Variants in PIEZO2 observed in about 807,000 individuals in gnomAD.
The protein encoded by PIEZO2 is piezo-type mechanosensitive ion channel component 2.
In PIEZO2, 172 loss-of-function variants were observed where a neutral mutation model predicts 337.3. That is an observed-to-expected ratio of 0.51 (90% CI 0.45 to 0.58). The LOEUF is 0.58. Among genes scored for constraint, PIEZO2 ranks in the 20% least tolerant of loss-of-function variants. The probability of loss-of-function intolerance (pLI) is 0.00; values close to 1 mark genes in which losing one functional copy is unlikely to be tolerated. For missense variants in PIEZO2, 3,028 were observed against 3,391.3 expected (o/e 0.89, Z 2.66); for synonymous variants, 1,251 against 1,228.5 (o/e 1.02, Z -0.38).
Position 10,726,922 on chromosome 18 carries a change from C to T in PIEZO2, c.5029+4485G>A, listed in dbSNP as rs1384848461. Reference sequence around the variant, plus strand: ...CCGGCTGGATGTGGCGGAGCTGGGTCGCCTGCTGCCCGACTGATGTAGGTT... The same window carrying T: ...CCGGCTGGATGTGGCGGAGCTGGGTTGCCTGCTGCCCGACTGATGTAGGTT... On this transcript the variant is annotated intron_variant, in intron 36 of 55. Transcript: ENST00000674853. This position sits in a 1 kb window ranked among gnomAD's most constrained non-coding sequence, Gnocchi z 5.9. 22 of 1,557,468 alleles carry T rather than the reference C, an allele frequency of 1.4e-5. No individual in the cohort carries two copies. The highest frequency in any genetic ancestry group is 5.5e-5 in the Admixed American group (3 of 54,480).
At position 10,773,500 on chromosome 18, in the gene PIEZO2, GGC is replaced by G; in HGVS notation, c.2695_2696del (p.Ala899ProfsTer4). On this transcript the variant is annotated frameshift_variant, in exon 20 of 56. Transcript: ENST00000674853. LOFTEE classifies it high-confidence loss of function. This position sits in a 1 kb window ranked among gnomAD's most constrained non-coding sequence, Gnocchi z 5.3. ...EEKLEGYSEK[A>X]QKGDLGKDSE... is the part of the protein sequence containing the mutation. ...TGTCTTTCCCAAGATCACCCTTCTG[GGC>G]TTTTTCAGAGTAGCCCTCAAGCTTC... is the stretch of plus-strand genomic sequence containing the variant. 1 of 1,537,354 alleles carries G rather than the reference GGC, an allele frequency of 6.5e-7. No homozygotes were observed. The highest frequency in any genetic ancestry group is 8.7e-7 in the Non-Finnish European group (1 of 1,146,948).
In PIEZO2 at chr18:10,982,429, A is replaced by G. The variant is rs2034703827; in HGVS notation, c.161-2769T>C. ...ATAAGTGAAGAGATCTGTTACATGCATGAATGAGGTGACTCAATATGATAA... is the reference window on the plus strand; with the variant it reads ...ATAAGTGAAGAGATCTGTTACATGCGTGAATGAGGTGACTCAATATGATAA... On this transcript the variant is annotated intron_variant, in intron 2 of 55. Transcript: ENST00000674853. The surrounding 1 kb of genome is among the most constrained non-coding windows in gnomAD (Gnocchi z 4.1). Among the ~76,000 whole-genome samples the G allele has an allele frequency of 6.6e-6, 1 of 152,200 alleles. No individual in the cohort carries two copies. The highest frequency in any genetic ancestry group is 2.1e-4 in the South Asian group (1 of 4,834).
chr18:10,909,521 G>T (rs1419071919), intron 4 of PIEZO2, among the ~76,000 whole-genome samples: 1 of 20,082 alleles, frequency 5.0e-5, no homozygotes, highest in African/African-American at 1.9e-4. Context: ...TAGGTATGAT[G>T]ATGGCACTAT....
intron 30 of PIEZO2, among the ~76,000 whole-genome samples, chr18:10,745,656 C>T (rs1001668429): frequency 5.3e-5 from 8 of 152,244 alleles, no homozygotes; most frequent in East Asian, 1.9e-4. Flanking sequence ...TCAGGCTGCT[C>T]GGTCTTTTTT....
chr18:11,011,604 A>G (rs2035904926), intron 2 of PIEZO2, among the ~76,000 whole-genome samples: 1 of 152,210 alleles, frequency 6.6e-6, no homozygotes. Flanking sequence ...TTTTAAATAG[A>G]ATATAATGCT....
chr18:11,059,869 A>T (rs560728355), intron 2 of PIEZO2, among the ~76,000 whole-genome samples: 7 of 152,290 alleles, frequency 4.6e-5, no homozygotes, highest in Non-Finnish European at 7.3e-5. Context: ...GTTAACAAGG[A>T]TATCCAGGAA....
rs1195124421 is a variant in PIEZO2 at position 10,899,844 on chromosome 18, AATT to A, written c.329+11339_329+11341del. On this transcript the variant is annotated intron_variant, in intron 4 of 55. Coordinates refer to ENST00000674853, the MANE Select transcript of PIEZO2 (RefSeq NM_001378183.1). The surrounding 1 kb of genome is among the most constrained non-coding windows in gnomAD (Gnocchi z 4.6). Reference sequence around the variant, plus strand: ...AGAACAGTCAAGGTAATGACCTGGGAATTCAGTTTTTTAGTTCAAGAATGCACT... The same window carrying A: ...AGAACAGTCAAGGTAATGACCTGGGACAGTTTTTTAGTTCAAGAATGCACT... Among the ~76,000 whole-genome samples the A allele has an allele frequency of 6.6e-6, 1 of 152,162 alleles. No homozygotes were observed. Among genetic ancestry groups the A allele is most frequent in the Admixed American group, 6.6e-5 (1 of 15,262 alleles).
intron 41 of PIEZO2, among the ~76,000 whole-genome samples, chr18:10,705,044 C>G (rs1478580198): frequency 2.6e-5 from 4 of 152,022 alleles, no homozygotes; most frequent in Non-Finnish European, 5.9e-5. Flanking sequence ...ACCATCCTTC[C>G]TGCTGTGTTC....
chr18:11,047,140 G>A lies in PIEZO2; in HGVS notation c.160+18987C>T, dbSNP rs890218118. Among the ~76,000 whole-genome samples, 9 of 152,200 alleles carry A rather than the reference G, an allele frequency of 5.9e-5. No homozygotes were observed. The highest frequency in any genetic ancestry group is 7.3e-5 in the Non-Finnish European group (5 of 68,034). ...CTGTCCAGGTACACTCAGGAGCCCC[G>A]TTTTCTGCACGTGCCTCCCTGGGGT... On this transcript the variant is annotated intron_variant, in intron 2 of 55. Transcript: ENST00000674853. The surrounding 1 kb of genome is among the most constrained non-coding windows in gnomAD (Gnocchi z 7.2).
chr18:11,034,281 T>C (rs951899276), intron 2 of PIEZO2, among the ~76,000 whole-genome samples: 6 of 152,024 alleles, frequency 3.9e-5, no homozygotes, highest in Non-Finnish European at 8.8e-5. Context: ...TGATTAAATG[T>C]ATCATTTCTT....
rs766396218 is a variant in PIEZO2, at chr18:10,670,852, CTT to C, written c.*673_*674del. Reference sequence around the variant, plus strand: ...GGTGTACACATCATTTGTTTTGCTCCTTTTTTTTTTTTTTCCTGAGAAGTCAC... The same window carrying C: ...GGTGTACACATCATTTGTTTTGCTCCTTTTTTTTTTTTCCTGAGAAGTCAC... On this transcript the variant is annotated 3_prime_UTR_variant, in exon 56 of 56. Coordinates refer to ENST00000674853, the MANE Select transcript of PIEZO2 (RefSeq NM_001378183.1). 24 of 143,040 alleles carry C rather than the reference CTT, an allele frequency of 1.7e-4. No individual in the cohort carries two copies. Among genetic ancestry groups the C allele is most frequent in the African/African-American group, 3.8e-4 (15 of 39,158 alleles). The allele number at this position is 143,040 out of a possible 1,614,324, so 8.9% of individuals were successfully genotyped here.
Position 10,783,005 on chromosome 18 carries a change from G to A in PIEZO2, c.2492+1779C>T, listed in dbSNP as rs1046307569. 6.6e-6 allele frequency among the ~76,000 whole-genome samples: 1 copy of A among 151,996 alleles called. No homozygotes were observed. The highest frequency in any genetic ancestry group is 2.4e-5 in the African/African-American group (1 of 41,366). On this transcript the variant is annotated intron_variant, in intron 17 of 55. Coordinates refer to ENST00000674853, the MANE Select transcript of PIEZO2 (RefSeq NM_001378183.1). This position sits in a 1 kb window ranked among gnomAD's most constrained non-coding sequence, Gnocchi z 4.3. ...TGGATAAATGGTGAATTATATCTCT[G>A]TTTGATTGCGTGACAGAAGACTCAG...
At chr18:10,728,894 G>T (rs1381049514) in intron 36 of PIEZO2, among the ~76,000 whole-genome samples, 1 of 148,356 alleles carries the variant, frequency 6.7e-6, no homozygotes, top group African/African-American at 2.5e-5. Context: ...GGCAGAGCTT[G>T]CAGTGAGCTG....
chr18:10,835,574 C>T (rs1018160758), intron 7 of PIEZO2, among the ~76,000 whole-genome samples: 39 of 150,132 alleles, frequency 2.6e-4, no homozygotes, highest in Admixed American at 9.9e-4. Context: ...GACGGAGTCT[C>T]GCTCTGTCAC....
chr18:11,053,014 C>A (rs901579061), intron 2 of PIEZO2, among the ~76,000 whole-genome samples: 2 of 152,200 alleles, frequency 1.3e-5, no homozygotes, highest in African/African-American at 4.8e-5. Context: ...AACACAGTGG[C>A]TGAGTGTGGC....
intron 2 of PIEZO2, among the ~76,000 whole-genome samples, chr18:11,005,360 G>A (rs1044342946): frequency 1.3e-5 from 2 of 152,254 alleles, no homozygotes; most frequent in East Asian, 1.9e-4. Flanking sequence ...ATAACTTTGC[G>A]TTTGTCTTTT....
intron 1 of PIEZO2, among the ~76,000 whole-genome samples, chr18:11,071,028 G>A (rs182352341): frequency 2.6e-4 from 40 of 152,192 alleles, no homozygotes; most frequent in Non-Finnish European, 4.7e-4. Flanking sequence ...AGAAGTCAGC[G>A]AGGAAAGAAG....
chr18:10,880,217 G>A (rs2042376349), intron 4 of PIEZO2, among the ~76,000 whole-genome samples: 1 of 152,166 alleles, frequency 6.6e-6, no homozygotes, highest in African/African-American at 2.4e-5. Flanking sequence ...ATGACCAATT[G>A]AGGCACTGAT....
intron 2 of PIEZO2, among the ~76,000 whole-genome samples, chr18:11,060,893 C>T (rs1037356885): frequency 6.6e-6 from 1 of 152,290 alleles, no homozygotes; most frequent in Admixed American, 6.5e-5. Flanking sequence ...GGAATCCTCC[C>T]TAACTCATTT....
Sources: allele counts gnomAD v4.1 joint callset (sites outside exome capture counted in the v4.1 genomes callset), GRCh38; gene constraint gnomAD v4.1.1; non-coding constraint Gnocchi (gnomAD v3.1); transcripts MANE v1.5; gene names NCBI Gene and HGNC (gene_info 2026-07-23, HGNC 2026-07-21).